TPPP: variants seen among roughly 807,000 people sequenced by gnomAD.
TPPP encodes the protein tubulin polymerization-promoting protein.
A neutral mutation model predicts 15.5 loss-of-function variants in TPPP; 6 were observed. The ratio of observed to expected loss-of-function variants is 0.39; its 90% CI spans 0.21 to 0.77. The LOEUF is 0.77. TPPP is among the 30% of genes least tolerant of loss of function. TPPP has a pLI of 0.42. For synonymous variants in TPPP, 146 were observed against 133.9 expected, an observed-to-expected ratio of 1.09 and a Z score of -0.63; for missense variants, 269 against 307.2, an observed-to-expected ratio of 0.88 and a Z score of 0.93.
At chr5:683,270 A>G (rs1272302137) in intron 1 of TPPP, among the ~76,000 whole-genome samples, 1 of 131,010 alleles carries the variant, frequency 7.6e-6, no homozygotes, top group Non-Finnish European at 1.6e-5. Context: ...AGCCCGAGGG[A>G]GAACCTGTCT....
chr5:669,838 G>C (rs1237531904), intron 2 of TPPP, among the ~76,000 whole-genome samples: 1 of 152,080 alleles, frequency 6.6e-6, no homozygotes, highest in Non-Finnish European at 1.5e-5. Context: ...GGAGTTCTAG[G>C]ACAGCGGTGC....
At chr5:677,167 C>A (rs571779556) in intron 2 of TPPP, among the ~76,000 whole-genome samples, 1 of 152,240 alleles carries the variant, frequency 6.6e-6, no homozygotes, top group Non-Finnish European at 1.5e-5. Context: ...TTTTGCCGCC[C>A]GTGGGAATCC....
At chr5:669,949 T>C (rs1288653800) in intron 2 of TPPP, among the ~76,000 whole-genome samples, 1 of 152,108 alleles carries the variant, frequency 6.6e-6, no homozygotes, top group Non-Finnish European at 1.5e-5. Context: ...CCTCCGAGTG[T>C]GGAGCTCGGC....
the TPPP span, among the ~76,000 whole-genome samples, chr5:700,237 T>C: frequency 6.6e-6 from 1 of 152,008 alleles, no homozygotes; most frequent in Non-Finnish European, 1.5e-5. Context: ...GTAGCATATA[T>C]ACACAAGGTA....
At chr5:671,131 G>A (rs1295565144) in intron 2 of TPPP, among the ~76,000 whole-genome samples, 1 of 152,162 alleles carries the variant, frequency 6.6e-6, no homozygotes, top group Non-Finnish European at 1.5e-5. Flanking sequence ...GCTACCGAAG[G>A]CTCCCCCCTG....
chr5:694,277 G>A (rs1293887295), upstream of TPPP, among the ~76,000 whole-genome samples: 139 of 151,280 alleles, frequency 9.2e-4, no homozygotes, highest in African/African-American at 3.3e-3. Context: ...TGTGGTGCTG[G>A]GTGCTGGGAC....
chr5:672,142 A>G (rs1184372962), intron 2 of TPPP, among the ~76,000 whole-genome samples: 4 of 152,166 alleles, frequency 2.6e-5, no homozygotes, highest in African/African-American at 9.7e-5. Flanking sequence ...CAGTCCGAAG[A>G]CTTTAGGACA....
intron 2 of TPPP, chr5:676,488 G>A (rs1055814886): frequency 5.9e-5 from 9 of 152,424 alleles, no homozygotes; most frequent in African/African-American, 2.2e-4. Flanking sequence ...CGCAGAGGGG[G>A]AAGGTGCAGG....
At chr5:666,413 G>C (rs991154227) in intron 2 of TPPP, among the ~76,000 whole-genome samples, 1 of 152,218 alleles carries the variant, frequency 6.6e-6, no homozygotes, top group Non-Finnish European at 1.5e-5. Context: ...AGGCAGCGGA[G>C]CCCACCTCCT....
rs760137654 is a variant in TPPP, at chr5:664,973, C to G, written c.*129G>C. On this transcript the variant is annotated 3_prime_UTR_variant, in exon 4 of 4. Transcript: ENST00000360578. ...GGCAGGAGGGAGGCCTGGGCCTGGC[C>G]GCCCCCCAGCCCCCTCTGGGGCACC... 1 of 1,135,070 alleles carries G rather than the reference C, an allele frequency of 8.8e-7. No individual in the cohort carries two copies. Among genetic ancestry groups the G allele is most frequent in the Non-Finnish European group, 1.2e-6 (1 of 809,034 alleles). The allele number at this position is 1,135,070 out of a possible 1,614,324, so 70.3% of individuals were successfully genotyped here.
At chr5:672,704 A>G (rs1213113956) in intron 2 of TPPP, among the ~76,000 whole-genome samples, 1 of 152,148 alleles carries the variant, frequency 6.6e-6, no homozygotes, top group African/African-American at 2.4e-5. Context: ...TTCGCTGTCC[A>G]TGGCTCTACC....
At chr5:676,782 T>C (rs144376027) in intron 2 of TPPP, among the ~76,000 whole-genome samples, 100 of 152,062 alleles carry the variant, frequency 6.6e-4, no homozygotes, top group African/African-American at 2.2e-3. Flanking sequence ...TGTGCACACA[T>C]GACACAGAAA....
At chr5:693,243 C>A (rs1177185122) in intron 1 of TPPP, 35 bp downstream of exon 1, 2 of 148,988 alleles carry the variant, frequency 1.3e-5, no homozygotes, top group Middle Eastern at 3.4e-3. Context: ...GCCCCCCGCG[C>A]CGCGCCCGCG....
Position 675,493 on chromosome 5 carries a change from G to T in TPPP, c.311+2257C>A, listed in dbSNP as rs542509628. ...GGTGCAGTGTGGCCAGGGGTACATT[G>T]TGGCCGGGGCTGCAGTGTGACCAGG... On this transcript the variant is annotated intron_variant, in intron 2 of 3. Transcript: ENST00000360578. Among the ~76,000 whole-genome samples the T allele has an allele frequency of 1.6e-3, 217 of 137,498 alleles. 2 individuals are homozygous for T. The highest frequency in any genetic ancestry group is 5.8e-3 in the African/African-American group (211 of 36,298). The allele number at this position is 137,498 out of a possible 152,430, so 90.2% of individuals were successfully genotyped here. A position where few individuals can be genotyped will look rare whatever the true frequency, so the allele number is the denominator to read the frequency against.
rs143376524 is a variant in TPPP, at chr5:667,363, T to C, written c.312-1240A>G. On this transcript the variant is annotated intron_variant, in intron 2 of 3. Transcript: ENST00000360578. ...CAAGTGGAGCTGGAGCAACTGGTGA[T>C]CCCTGTGCAAATTAAAATGCACTTT... 2.9e-3 allele frequency among the ~76,000 whole-genome samples: 434 copies of C among 152,274 alleles called. 1 individual carries two copies. The highest frequency in any genetic ancestry group is 4.7e-3 in the Non-Finnish European group (320 of 68,030).
chr5:694,330 C>A (rs1208549815), upstream of TPPP, among the ~76,000 whole-genome samples: 4 of 144,180 alleles, frequency 2.8e-5, no homozygotes, highest in African/African-American at 9.8e-5. Flanking sequence ...GGCCGAGGCG[C>A]AGCCCCCCAG....
intron 1 of TPPP, among the ~76,000 whole-genome samples, chr5:687,093 C>T (rs1380292270): frequency 7.9e-6 from 1 of 127,314 alleles, no homozygotes; most frequent in African/African-American, 2.7e-5. Context: ...GCCGGGGCTG[C>T]AGTGACGCAG....
chr5:670,481 G>A (rs1449910552), intron 2 of TPPP, among the ~76,000 whole-genome samples: 13 of 152,192 alleles, frequency 8.5e-5, no homozygotes, highest in Non-Finnish European at 4.4e-5. Context: ...GCTCCCCCAG[G>A]GCACCAACCT....
chr5:700,650 T>A, the TPPP span, among the ~76,000 whole-genome samples: 1 of 151,620 alleles, frequency 6.6e-6, no homozygotes, highest in Non-Finnish European at 1.5e-5. Context: ...CTTACCTGCA[T>A]CCCTGAATAA....
Sources: allele counts gnomAD v4.1 joint callset (sites outside exome capture counted in the v4.1 genomes callset), GRCh38; gene constraint gnomAD v4.1.1; transcripts MANE v1.5; gene names NCBI Gene and HGNC (gene_info 2026-07-23, HGNC 2026-07-21).